BTBD8: variants seen among roughly 807,000 people sequenced by gnomAD.
The protein encoded by BTBD8 is BTB domain containing 8.
Under a neutral mutation model 162.9 loss-of-function variants are expected in BTBD8, and 110 were observed. The observed-to-expected ratio is 0.68, with a 90% CI of 0.58 to 0.79. The LOEUF (loss-of-function observed/expected upper bound fraction) is 0.79. BTBD8 is among the 30% of genes least tolerant of loss of function. BTBD8 has a pLI of 0.00. For missense variants in BTBD8, 1,905 were observed against 2,085.4 expected (o/e 0.91, Z 1.68); for synonymous variants, 667 against 716.1 (o/e 0.93, Z 1.10).
intron 9 of BTBD8, among the ~76,000 whole-genome samples, chr1:92,165,592 C>T (rs1650367795): frequency 6.6e-6 from 1 of 152,060 alleles, no homozygotes. Context: ...TATCAATGAT[C>T]TATTGCTGTG....
At chr1:92,102,261 T>G (rs977679509) in intron 2 of BTBD8, among the ~76,000 whole-genome samples, 3 of 152,028 alleles carry the variant, frequency 2.0e-5, no homozygotes, top group Non-Finnish European at 4.4e-5. Flanking sequence ...TCAAATGGTC[T>G]CCCCACCTCG....
intron 9 of BTBD8, among the ~76,000 whole-genome samples, chr1:92,162,809 A>G (rs987123439): frequency 6.6e-6 from 1 of 152,172 alleles, no homozygotes; most frequent in Non-Finnish European, 1.5e-5. Flanking sequence ...GAGAAGTAGT[A>G]TTGACCCAGC....
chr1:92,127,318 T>C (rs1458701614), intron 4 of BTBD8, among the ~76,000 whole-genome samples: 3 of 152,208 alleles, frequency 2.0e-5, no homozygotes, highest in Non-Finnish European at 4.4e-5. Context: ...ACACTCCTGG[T>C]TGTTAATTTA....
At chr1:92,130,203 A>G (rs914563765) in intron 5 of BTBD8, among the ~76,000 whole-genome samples, 9 of 152,106 alleles carry the variant, frequency 5.9e-5, no homozygotes, top group African/African-American at 2.2e-4. Context: ...AAGGAAACGA[A>G]TCCTATCAGA....
intron 4 of BTBD8, among the ~76,000 whole-genome samples, chr1:92,112,440 A>G (rs1431696081): frequency 6.6e-6 from 1 of 152,158 alleles, no homozygotes; most frequent in Admixed American, 6.5e-5. Context: ...CATAGTGTAT[A>G]TATGTATTGT....
chr1:92,084,415 C>G (rs969819246), intron 1 of BTBD8, among the ~76,000 whole-genome samples: 1 of 152,146 alleles, frequency 6.6e-6, no homozygotes, highest in Non-Finnish European at 1.5e-5. Flanking sequence ...CCCAGAGATT[C>G]GTTCCTTGTC....
chr1:92,178,475 A>G (rs1394214251), intron 16 of BTBD8, 24 bp downstream of exon 16: 1 of 1,524,056 alleles, frequency 6.6e-7, no homozygotes, highest in Non-Finnish European at 8.8e-7. Flanking sequence ...AGTACTGGAT[A>G]TCTTGAAATT....
At chr1:92,161,738 T>G (rs1650279413) in intron 9 of BTBD8, among the ~76,000 whole-genome samples, 1 of 152,218 alleles carries the variant, frequency 6.6e-6, no homozygotes, top group Non-Finnish European at 1.5e-5. Flanking sequence ...GGATAAATAT[T>G]CTGATTTATT....
intron 7 of BTBD8, among the ~76,000 whole-genome samples, chr1:92,142,582 C>T (rs1460637858): frequency 6.6e-6 from 1 of 152,162 alleles, no homozygotes; most frequent in African/African-American, 2.4e-5. Context: ...TATTGTCATA[C>T]AGAGAAAAGA....
intron 4 of BTBD8, chr1:92,114,879 T>G: frequency 3.1e-6 from 1 of 326,122 alleles, no homozygotes; most frequent in Non-Finnish European, 5.9e-6. Context: ...TGCTGGGAAA[T>G]GAGCTTGACA....
chr1:92,080,729 A>C lies in BTBD8; in HGVS notation c.149+9A>C, dbSNP rs759670711. The C allele has an allele frequency of 1.9e-6, 3 of 1,605,604 alleles. No homozygotes were observed. Among genetic ancestry groups the C allele is most frequent in the African/African-American group, 2.7e-5 (2 of 74,686 alleles). On this transcript the variant is annotated intron_variant, in intron 1 of 17. Coordinates refer to ENST00000636805, the MANE Select transcript of BTBD8 (RefSeq NM_001376131.1). ...AGCCAGGATTTGCTCAGGTAGGAGG[A>C]GGCGGGAACTCTGGCTGCTTCAGTT...
intron 3 of BTBD8, 80 bp downstream of exon 3, chr1:92,102,749 A>T: frequency 2.4e-6 from 3 of 1,234,130 alleles, no homozygotes; most frequent in Non-Finnish European, 3.2e-6. Context: ...AGCATACTTC[A>T]AAAATATGCT....
chr1:92,139,349 G>C lies in BTBD8; in HGVS notation c.753-1G>C. On this transcript the variant is annotated splice_acceptor_variant, in intron 5 of 17. Coordinates refer to ENST00000636805, the MANE Select transcript of BTBD8 (RefSeq NM_001376131.1). LOFTEE classifies it high-confidence loss of function. Reference sequence around the variant, plus strand: ...GATTTGAGTTTTCTTTTATTTTTCAGTATAAGCCATGTAGAACTGAATGTT... The same window carrying C: ...GATTTGAGTTTTCTTTTATTTTTCACTATAAGCCATGTAGAACTGAATGTT... 6.4e-7 allele frequency: 1 copy of C among 1,568,934 alleles called. No individual in the cohort carries two copies.
At chr1:92,163,190 T>TA (rs758157509) in intron 9 of BTBD8, among the ~76,000 whole-genome samples, 24 of 151,090 alleles carry the variant, frequency 1.6e-4, no homozygotes, top group Non-Finnish European at 3.2e-4. Flanking sequence ...CCGTCTCTAC[T>TA]AAAAAATACA....
Position 92,138,912 on chromosome 1 carries a change from C to T in BTBD8, c.753-438C>T, listed in dbSNP as rs187910591. Among the ~76,000 whole-genome samples, 7 of 152,242 alleles carry T rather than the reference C, an allele frequency of 4.6e-5. No homozygotes were observed. The East Asian group carries it at 1.2e-3, about 25-fold the overall frequency. ...ATGAGTACGTTGGCCAATCTTAGAGCCACTGACAGGTGTTACAAATTAAGA... is the reference window on the plus strand; with the variant it reads ...ATGAGTACGTTGGCCAATCTTAGAGTCACTGACAGGTGTTACAAATTAAGA... On this transcript the variant is annotated intron_variant, in intron 5 of 17. Coordinates refer to ENST00000636805, the MANE Select transcript of BTBD8 (RefSeq NM_001376131.1).
rs1349090650 is a variant in BTBD8, at chr1:92,176,896, A to G, written c.1703A>G (p.Glu568Gly). The change falls in exon 14 of 18, where the codon GAG (glutamate) becomes GGG (glycine). Residue 568 changes from glutamate to glycine, a missense_variant. Glu to Gly is a moderately conservative substitution (Grantham distance 98). Transcript: ENST00000636805. ...IKSWRGNNKK[E>G]CWSYLSTNKK... is the part of the protein sequence containing the mutation. ...TCTTGGAGGGGAAATAACAAGAAAG[A>G]GTGTTGGAGTTATCTCTCTACTAAT... 1 of 1,507,060 alleles carries G rather than the reference A, an allele frequency of 6.6e-7. No individual in the cohort carries two copies. Among genetic ancestry groups the G allele is most frequent in the Non-Finnish European group, 8.9e-7 (1 of 1,129,516 alleles). The allele number at this position is 1,507,060 out of a possible 1,614,324, so 93.4% of individuals were successfully genotyped here. A position where few individuals can be genotyped will look rare whatever the true frequency, so the allele number is the denominator to read the frequency against.
intron 3 of BTBD8, among the ~76,000 whole-genome samples, chr1:92,104,461 A>G (rs1240441982): frequency 6.6e-6 from 1 of 152,214 alleles, no homozygotes. Flanking sequence ...TAAGACTCAG[A>G]GAGCATAAGA....
chr1:92,155,711 G>A (rs750696897), intron 9 of BTBD8, among the ~76,000 whole-genome samples: 3 of 152,170 alleles, frequency 2.0e-5, no homozygotes, highest in Admixed American at 1.3e-4. Context: ...TATTGTAAAT[G>A]GGATTGTTTT....
chr1:92,091,637 TCTC>T (rs1381547408), intron 2 of BTBD8, among the ~76,000 whole-genome samples: 1 of 152,054 alleles, frequency 6.6e-6, no homozygotes, highest in Non-Finnish European at 1.5e-5. Flanking sequence ...CGGTCGCCAT[TCTC>T]CTGCCTCAGC....
Sources: gnomAD v4.1 joint callset for allele counts (sites outside exome capture counted in the v4.1 genomes callset) on GRCh38, gnomAD v4.1.1 for gene constraint, MANE v1.5 for transcripts, NCBI Gene and HGNC (gene_info 2026-07-23, HGNC 2026-07-21) for gene names.